Variants in EIF2AK4 observed in about 807,000 individuals in gnomAD.
EIF2AK4 encodes the protein eukaryotic translation initiation factor 2 alpha kinase 4.
EIF2AK4 carries 139 observed loss-of-function variants against 211.1 expected under a neutral mutation model. The observed-to-expected ratio is 0.66, with a 90% CI of 0.57 to 0.76. EIF2AK4 has a LOEUF of 0.76. EIF2AK4 is among the 30% of genes least tolerant of loss of function. EIF2AK4 has a pLI of 0.00. For missense variants in EIF2AK4, 1,664 were observed against 2,043.8 expected (o/e 0.81, Z 3.58); for synonymous variants, 710 against 751.3 (o/e 0.94, Z 0.90).
intron 30 of EIF2AK4, among the ~76,000 whole-genome samples, chr15:40,019,925 C>T (rs1246108851): frequency 2.0e-5 from 3 of 151,478 alleles, no homozygotes; most frequent in South Asian, 2.1e-4. Flanking sequence ...TTTGGAAGGT[C>T]GAGGCAGGCA....
At chr15:40,009,211 C>T (rs1394527652) in intron 25 of EIF2AK4, among the ~76,000 whole-genome samples, 1 of 151,868 alleles carries the variant, frequency 6.6e-6, no homozygotes, top group Non-Finnish European at 1.5e-5. Flanking sequence ...TGCCTTGCTG[C>T]TTGAATAGCT....
At chr15:39,945,340 C>T (rs1023963828) in intron 3 of EIF2AK4, among the ~76,000 whole-genome samples, 1 of 151,934 alleles carries the variant, frequency 6.6e-6, no homozygotes, top group Non-Finnish European at 1.5e-5. Flanking sequence ...CCCAGTTTGC[C>T]CCGACAGTAA....
chr15:39,997,069 T>C lies in EIF2AK4; in HGVS notation c.2868+4T>C, dbSNP rs1179700302. On this transcript the variant is annotated splice_donor_region_variant and intron_variant, in intron 19 of 38. Transcript: ENST00000263791. ...TGTTCTCAACCAACTCAGAGATGTA[T>C]GTATCAGGTGTTTTAGTGCCTACAT... is the stretch of plus-strand genomic sequence containing the variant. 2 of 1,601,788 alleles carry C rather than the reference T, an allele frequency of 1.2e-6. No individual in the cohort carries two copies. Among genetic ancestry groups the C allele is most frequent in the Admixed American group, 3.3e-5 (2 of 59,966 alleles).
At chr15:39,971,300 G>A (rs533256668) in intron 9 of EIF2AK4, among the ~76,000 whole-genome samples, 1 of 152,326 alleles carries the variant, frequency 6.6e-6, no homozygotes, top group African/African-American at 2.4e-5. Context: ...GAGGCAGGCA[G>A]ATCACTTGAG....
chr15:40,017,394 T>A (rs1374102352), intron 29 of EIF2AK4, 152 bp downstream of exon 29: 1 of 970,950 alleles, frequency 1.0e-6, no homozygotes, highest in African/African-American at 1.6e-5. Context: ...AATAGAAATA[T>A]AATGTGAACC....
chr15:40,034,534 G>T, intron 38 of EIF2AK4, 90 bp downstream of exon 38: 1 of 981,714 alleles, frequency 1.0e-6, no homozygotes, highest in South Asian at 1.4e-5. Context: ...GTCTTGTTGA[G>T]GTTTGACGCC....
At chr15:40,029,923 T>C (rs937213) in intron 34 of EIF2AK4, among the ~76,000 whole-genome samples, 46,769 of 152,152 alleles carry the variant, frequency 0.31, 8,870 homozygotes, top group Non-Finnish European at 0.42. Flanking sequence ...GTGTTCCAAT[T>C]AAGGCCATGA....
chr15:39,965,870 C>G, intron 8 of EIF2AK4, 27 bp downstream of exon 8: 1 of 1,611,694 alleles, frequency 6.2e-7, no homozygotes, highest in South Asian at 1.1e-5. Context: ...GCTGACTGAG[C>G]AAAAGGCCTA....
At chr15:39,997,654 A>C (rs1428032376) in intron 19 of EIF2AK4, among the ~76,000 whole-genome samples, 1 of 152,228 alleles carries the variant, frequency 6.6e-6, no homozygotes. Context: ...CCAAGACCAG[A>C]AGTTAAAACG....
intron 13 of EIF2AK4, 158 bp downstream of exon 13, chr15:39,978,305 G>A: frequency 5.0e-6 from 2 of 396,618 alleles, no homozygotes; most frequent in South Asian, 1.6e-4. Flanking sequence ...TATTCTACCT[G>A]TGTTTATTTA....
At chr15:39,968,049 G>A (rs2034569728) in intron 9 of EIF2AK4, among the ~76,000 whole-genome samples, 170 bp downstream of exon 9, 1 of 152,196 alleles carries the variant, frequency 6.6e-6, no homozygotes, top group African/African-American at 2.4e-5. Context: ...TCTCATGTAG[G>A]TTGGTGATTC....
At chr15:39,988,206 G>T in intron 15 of EIF2AK4, 101 bp downstream of exon 15, 1 of 1,274,588 alleles carries the variant, frequency 7.8e-7, no homozygotes, top group Non-Finnish European at 1.1e-6. Flanking sequence ...TGAAATAGAG[G>T]GAAAGCTATG....
intron 13 of EIF2AK4, among the ~76,000 whole-genome samples, chr15:39,984,414 T>C (rs956503464): frequency 1.3e-5 from 2 of 152,172 alleles, no homozygotes; most frequent in Non-Finnish European, 2.9e-5. Context: ...TTGATGGGAG[T>C]AGCATTGAAT....
chr15:39,963,686 A>G (rs2034504156), intron 7 of EIF2AK4, among the ~76,000 whole-genome samples: 1 of 152,202 alleles, frequency 6.6e-6, no homozygotes, highest in Non-Finnish European at 1.5e-5. Context: ...GTCTGCATAA[A>G]TGATCATTGT....
At chr15:40,007,537 C>T (rs1213018651) in intron 24 of EIF2AK4, among the ~76,000 whole-genome samples, 2 of 152,180 alleles carry the variant, frequency 1.3e-5, no homozygotes, top group Non-Finnish European at 2.9e-5. Flanking sequence ...CCTCCAGGCA[C>T]TTAGCCCTGG....
At chr15:39,940,734 T>C (rs955506408) in intron 2 of EIF2AK4, among the ~76,000 whole-genome samples, 1 of 152,138 alleles carries the variant, frequency 6.6e-6, no homozygotes, top group African/African-American at 2.4e-5. Flanking sequence ...TCTGATACCA[T>C]GTGGGTGTCC....
In EIF2AK4 at chr15:39,967,475, T is replaced by TG. The variant is rs775819448; in HGVS notation, c.1153dup (p.Val385GlyfsTer30). ...TGGACATTTTAGTGGAGCACATTAG[T>TG]GGGGTCTCTCTTGCTGCACACCTGA... On this transcript the variant is annotated frameshift_variant, in exon 9 of 39. Coordinates refer to ENST00000263791, the MANE Select transcript of EIF2AK4 (RefSeq NM_001013703.4). LOFTEE classifies it high-confidence loss of function. The TG allele has an allele frequency of 2.1e-5, 34 of 1,614,010 alleles. No homozygotes were observed. The highest frequency in any genetic ancestry group is 4.5e-5 in the East Asian group (2 of 44,892).
chr15:39,989,183 C>G (rs1379354163), intron 15 of EIF2AK4, among the ~76,000 whole-genome samples: 2 of 152,106 alleles, frequency 1.3e-5, no homozygotes, highest in Non-Finnish European at 2.9e-5. Flanking sequence ...CATTTTAAAG[C>G]TAGAAATTGC....
intron 2 of EIF2AK4, among the ~76,000 whole-genome samples, 177 bp from the exon 3 acceptor site, chr15:39,943,206 T>C (rs1369551626): frequency 1.3e-5 from 2 of 152,228 alleles, no homozygotes; most frequent in Non-Finnish European, 2.9e-5. Context: ...AGCCCACTTC[T>C]TCCCTGTAGG....
Sources: gnomAD v4.1 joint callset for allele counts (sites outside exome capture counted in the v4.1 genomes callset) on GRCh38, gnomAD v4.1.1 for gene constraint, MANE v1.5 for transcripts, NCBI Gene and HGNC (gene_info 2026-07-23, HGNC 2026-07-21) for gene names.